The following PDE9A variants were observed in gnomAD, a reference collection of about 807,000 sequenced individuals.
PDE9A encodes high affinity cGMP-specific 3',5'-cyclic phosphodiesterase 9A.
A neutral mutation model predicts 87.4 loss-of-function variants in PDE9A; 60 were observed. The observed-to-expected ratio is 0.69, with a 90% CI of 0.56 to 0.85. The LOEUF (loss-of-function observed/expected upper bound fraction) is 0.85, where lower values mean the gene tolerates loss of function less well. Among genes scored for constraint, PDE9A ranks in the 40% least tolerant of loss-of-function variants. PDE9A has a pLI of 0.00. For synonymous variants in PDE9A, 272 were observed against 279.4 expected, an observed-to-expected ratio of 0.97 and a Z score of 0.27; for missense variants, 665 against 779.0, an observed-to-expected ratio of 0.85 and a Z score of 1.74.
At chr21:42,701,444 A>G (rs1388999793) in intron 4 of PDE9A, among the ~76,000 whole-genome samples, 1 of 143,814 alleles carries the variant, frequency 7.0e-6, no homozygotes, top group Admixed American at 6.9e-5. Flanking sequence ...TTTTTTTTTC[A>G]AAGAGAGAGA....
intron 1 of PDE9A, among the ~76,000 whole-genome samples, chr21:42,662,941 C>T (rs1358841845): frequency 2.8e-5 from 4 of 144,150 alleles, no homozygotes; most frequent in African/African-American, 7.8e-5. Context: ...ATGCACACCA[C>T]GCACACGCAC....
At chr21:42,697,160 C>T (rs2060187598) in intron 3 of PDE9A, among the ~76,000 whole-genome samples, 1 of 151,854 alleles carries the variant, frequency 6.6e-6, no homozygotes, top group African/African-American at 2.4e-5. Flanking sequence ...GTCCCCAGCA[C>T]TTGGGCTCAG....
At chr21:42,733,683 A>C in intron 7 of PDE9A, 2 of 510,410 alleles carry the variant, frequency 3.9e-6, no homozygotes, top group South Asian at 5.2e-5. Flanking sequence ...AAATGAACAC[A>C]CGAAGCCTTC....
chr21:42,726,624 A>ATATATATATATATATTTTT, intron 4 of PDE9A, among the ~76,000 whole-genome samples: 2 of 19,780 alleles, frequency 1.0e-4, no homozygotes, highest in Admixed American at 8.2e-4. Flanking sequence ...ATATATATAT[A>ATATATATATATATATTTTT]TTTTTTTTTT....
rs1009972580 is a variant in PDE9A at position 42,750,627 on chromosome 21, G to C, written c.654-489G>C. On this transcript the variant is annotated intron_variant, in intron 8 of 19. Coordinates refer to ENST00000291539, the MANE Select transcript of PDE9A (RefSeq NM_002606.3). ...TGTTGCCCAGACTGGCCAGGCTGGC[G>C]TGCAGTGGCACAATCTCTGCTCACT... Among the ~76,000 whole-genome samples the C allele has an allele frequency of 1.5e-4, 23 of 151,440 alleles. 1 individual carries two copies. The highest frequency in any genetic ancestry group is 6.6e-4 in the Admixed American group (10 of 15,210).
chr21:42,763,459 C>T (rs1398765527), intron 14 of PDE9A, among the ~76,000 whole-genome samples: 1 of 152,196 alleles, frequency 6.6e-6, no homozygotes, highest in Non-Finnish European at 1.5e-5. Context: ...TTGAGTGATG[C>T]AGCCCCAAAC....
chr21:42,668,853 C>A (rs1019118769), intron 1 of PDE9A, among the ~76,000 whole-genome samples: 7 of 147,100 alleles, frequency 4.8e-5, no homozygotes, highest in African/African-American at 1.8e-4. Context: ...GAACATCCTC[C>A]GTCGGGAGAG....
At chr21:42,677,809 A>AT (rs1169998898) in intron 1 of PDE9A, among the ~76,000 whole-genome samples, 1 of 152,040 alleles carries the variant, frequency 6.6e-6, no homozygotes, top group Non-Finnish European at 1.5e-5. Context: ...CGCCCAGCTA[A>AT]TTTTTGTATT....
intron 1 of PDE9A, among the ~76,000 whole-genome samples, chr21:42,654,394 C>T (rs1275176172): frequency 6.6e-6 from 1 of 152,154 alleles, no homozygotes; most frequent in African/African-American, 2.4e-5. Flanking sequence ...GCAGCGGGTC[C>T]GGCTCTCCCC....
rs944738774 is a variant in PDE9A at position 42,692,654 on chromosome 21, T to C, written c.218+4660T>C. ...AGGTTCCCAGTGAGGAGGACGAGGC[T>C]GGCCCGGGACACGCCACTGATGCTC... On this transcript the variant is annotated intron_variant, in intron 3 of 19. Coordinates refer to ENST00000291539, the MANE Select transcript of PDE9A (RefSeq NM_002606.3). This position sits in a 1 kb window ranked among gnomAD's most constrained non-coding sequence, Gnocchi z 4.3. 1.8e-4 allele frequency among the ~76,000 whole-genome samples: 27 copies of C among 152,156 alleles called. No individual in the cohort carries two copies. The highest frequency in any genetic ancestry group is 6.5e-4 in the African/African-American group (27 of 41,418).
rs1233166106 is a variant in PDE9A at position 42,759,142 on chromosome 21, C to T, written c.897+57C>T. 1.2e-5 allele frequency: 15 copies of T among 1,293,582 alleles called. No individual in the cohort carries two copies. The highest frequency in any genetic ancestry group is 1.7e-5 in the Non-Finnish European group (15 of 891,506). The allele number at this position is 1,293,582 out of a possible 1,614,324, so 80.1% of individuals were successfully genotyped here. A position where few individuals can be genotyped will look rare whatever the true frequency, so the allele number is the denominator to read the frequency against. On this transcript the variant is annotated intron_variant, in intron 11 of 19. Transcript: ENST00000291539. The surrounding 1 kb of genome is among the most constrained non-coding windows in gnomAD (Gnocchi z 7.2). ...GGGCACGTGGTTTCATCCAGTTCCA[C>T]AGGAATGGAGGGAATGGATCACCAG...
At position 42,772,525 on chromosome 21, in the gene PDE9A, T is replaced by G; in HGVS notation, c.1768+5T>G. 1 of 1,579,850 alleles carries G rather than the reference T, an allele frequency of 6.3e-7. No individual in the cohort carries two copies. The highest frequency in any genetic ancestry group is 8.6e-7 in the Non-Finnish European group (1 of 1,156,490). On this transcript the variant is annotated splice_donor_5th_base_variant and intron_variant, in intron 19 of 19. Transcript: ENST00000291539. Reference sequence around the variant, plus strand: ...GAGATGTGAAAAACAGTGAAGGTAATGCTTGCTCTGCTGAAGTGGCATCTC... The same window carrying G: ...GAGATGTGAAAAACAGTGAAGGTAAGGCTTGCTCTGCTGAAGTGGCATCTC...
chr21:42,704,433 AACAC>A lies in PDE9A; in HGVS notation c.262+5456_262+5459del, dbSNP rs34581078. 2.4e-3 allele frequency among the ~76,000 whole-genome samples: 331 copies of A among 137,104 alleles called. 1 individual carries two copies. The highest frequency in any genetic ancestry group is 7.4e-3 in the Middle Eastern group (2 of 270). The allele number at this position is 137,104 out of a possible 152,430, so 89.9% of individuals were successfully genotyped here. ...CAGGTAGACCCCCCCCACCCCACCA[AACAC>A]ACACACACACACACACACACACACA... On this transcript the variant is annotated intron_variant, in intron 4 of 19. Coordinates refer to ENST00000291539, the MANE Select transcript of PDE9A (RefSeq NM_002606.3). This position sits in a 1 kb window ranked among gnomAD's most constrained non-coding sequence, Gnocchi z 5.3.
At chr21:42,761,572 T>G (rs1163134558) in intron 13 of PDE9A, among the ~76,000 whole-genome samples, 8 of 152,220 alleles carry the variant, frequency 5.3e-5, no homozygotes, top group Admixed American at 5.2e-4. Flanking sequence ...ATCACATGCC[T>G]GAGAGCTCTG....
At chr21:42,678,967 C>G (rs1190091498) in intron 1 of PDE9A, among the ~76,000 whole-genome samples, 2 of 152,264 alleles carry the variant, frequency 1.3e-5, no homozygotes, top group Non-Finnish European at 2.9e-5. Context: ...AAGGATCTCA[C>G]TGGACGAGTC....
At chr21:42,673,642 GGTTCTTGTGTGA>G (rs2058682232) in intron 1 of PDE9A, among the ~76,000 whole-genome samples, 1 of 152,188 alleles carries the variant, frequency 6.6e-6, no homozygotes, top group South Asian at 2.1e-4. Flanking sequence ...GGAACAAGAG[GGTTCTTGTGTGA>G]GTTCCGCATT....
Position 42,713,905 on chromosome 21 carries a change from AT to A in PDE9A, c.262+14907del, listed in dbSNP as rs71332370. On this transcript the variant is annotated intron_variant, in intron 4 of 19. Coordinates refer to ENST00000291539, the MANE Select transcript of PDE9A (RefSeq NM_002606.3). ...TGTTAAAACTTTTTTTTTAATTCCA[AT>A]TTTTTTTTTTTTGAGGTGGAGTCTC... 5.2e-3 allele frequency among the ~76,000 whole-genome samples: 637 copies of A among 123,640 alleles called. 2 individuals carry two copies. Among genetic ancestry groups the A allele is most frequent in the Admixed American group, 6.0e-3 (76 of 12,758 alleles). The allele number at this position is 123,640 out of a possible 152,430, so 81.1% of individuals were successfully genotyped here.
chr21:42,675,636 C>T lies in PDE9A; in HGVS notation c.70-10556C>T, dbSNP rs1007749903. 6.6e-6 allele frequency among the ~76,000 whole-genome samples: 1 copy of T among 152,192 alleles called. No individual in the cohort carries two copies. Among genetic ancestry groups the T allele is most frequent in the Non-Finnish European group, 1.5e-5 (1 of 68,036 alleles). ...AGCCTCACTGCCTCTGCGTTAGTGCCGCCACTTCATCTCAGATACTCTCCT... is the reference window on the plus strand; with the variant it reads ...AGCCTCACTGCCTCTGCGTTAGTGCTGCCACTTCATCTCAGATACTCTCCT... On this transcript the variant is annotated intron_variant, in intron 1 of 19. Coordinates refer to ENST00000291539, the MANE Select transcript of PDE9A (RefSeq NM_002606.3). This position sits in a 1 kb window ranked among gnomAD's most constrained non-coding sequence, Gnocchi z 4.3.
intron 4 of PDE9A, among the ~76,000 whole-genome samples, chr21:42,729,456 T>G (rs1165401996): frequency 6.6e-6 from 1 of 152,222 alleles, no homozygotes; most frequent in Admixed American, 6.5e-5. Context: ...TTTGTTGATT[T>G]TCTGCATTGT....
Sources: allele counts gnomAD v4.1 joint callset (sites outside exome capture counted in the v4.1 genomes callset), GRCh38; gene constraint gnomAD v4.1.1; non-coding constraint Gnocchi (gnomAD v3.1); transcripts MANE v1.5; gene names NCBI Gene and HGNC (gene_info 2026-07-23, HGNC 2026-07-21).